CSMD1: variants seen among roughly 807,000 people sequenced by gnomAD.
The protein encoded by CSMD1 is CUB and Sushi multiple domains 1.
Under a neutral mutation model 417.5 loss-of-function variants are expected in CSMD1, and 213 were observed. The observed-to-expected ratio is 0.51, with a 90% confidence interval of 0.46 to 0.57. The LOEUF (loss-of-function observed/expected upper bound fraction) is 0.57. Among genes scored for constraint, CSMD1 ranks in the 20% least tolerant of loss-of-function variants. The pLI is 0.00. For missense variants in CSMD1, 6,923 were observed against 4,529.7 expected, an observed-to-expected ratio of 1.53 and a Z score of -15.17; for synonymous variants, 2,862 against 1,736.8, an observed-to-expected ratio of 1.65 and a Z score of -16.11.
intron 2 of CSMD1, among the ~76,000 whole-genome samples, chr8:4,569,693 T>A (rs554877940): frequency 1.8e-4 from 27 of 152,324 alleles, no homozygotes; most frequent in Admixed American, 7.2e-4. Context: ...AATGGTAGCT[T>A]GATGGGAATA....
intron 10 of CSMD1, among the ~76,000 whole-genome samples, chr8:3,523,810 C>A (rs948889220): frequency 8.6e-5 from 13 of 150,836 alleles, no homozygotes; most frequent in Admixed American, 2.7e-4. Flanking sequence ...TGTGCACATA[C>A]ACACACGCAC....
At chr8:3,757,353 G>A (rs1307088211) in intron 5 of CSMD1, among the ~76,000 whole-genome samples, 1 of 152,228 alleles carries the variant, frequency 6.6e-6, no homozygotes, top group African/African-American at 2.4e-5. Flanking sequence ...TAGTTGGCAA[G>A]TAGCCATAAA....
chr8:3,844,642 G>T (rs1300568857), intron 5 of CSMD1, among the ~76,000 whole-genome samples: 1 of 152,098 alleles, frequency 6.6e-6, no homozygotes, highest in African/African-American at 2.4e-5. Context: ...AGAACGGTGG[G>T]TATGCAGCTG....
At chr8:4,464,744 G>T (rs1179115614) in intron 2 of CSMD1, among the ~76,000 whole-genome samples, 1 of 152,130 alleles carries the variant, frequency 6.6e-6, no homozygotes. Flanking sequence ...ATCAGCATCC[G>T]TTGCTTTAAG....
At chr8:4,714,800 T>C (rs1283958281) in intron 1 of CSMD1, among the ~76,000 whole-genome samples, 1 of 152,196 alleles carries the variant, frequency 6.6e-6, no homozygotes, top group African/African-American at 2.4e-5. Flanking sequence ...GGGATTAAAA[T>C]AGACTCAACA....
chr8:3,954,772 T>G (rs926074191), intron 5 of CSMD1, among the ~76,000 whole-genome samples: 1 of 151,622 alleles, frequency 6.6e-6, no homozygotes, highest in Non-Finnish European at 1.5e-5. Context: ...ATGCGTAATG[T>G]GGCAGGGAGT....
At chr8:4,523,014 T>C (rs1409890752) in intron 2 of CSMD1, among the ~76,000 whole-genome samples, 2 of 152,158 alleles carry the variant, frequency 1.3e-5, no homozygotes, top group African/African-American at 4.8e-5. Context: ...GTAGGGCTTG[T>C]GTTAATGACA....
At chr8:4,217,210 C>T (rs1318873167) in intron 3 of CSMD1, among the ~76,000 whole-genome samples, 1 of 152,278 alleles carries the variant, frequency 6.6e-6, no homozygotes, top group Non-Finnish European at 1.5e-5. Flanking sequence ...TAGCTAGCAA[C>T]AATTACTCTT....
intron 5 of CSMD1, among the ~76,000 whole-genome samples, chr8:3,924,796 T>A (rs1365637447): frequency 6.6e-6 from 1 of 152,188 alleles, no homozygotes; most frequent in Non-Finnish European, 1.5e-5. Flanking sequence ...CTATTCGTGT[T>A]ATCCTGTAAG....
At chr8:3,984,087 T>G (rs1171326184) in intron 5 of CSMD1, among the ~76,000 whole-genome samples, 5 of 144,626 alleles carry the variant, frequency 3.5e-5, no homozygotes, top group Non-Finnish European at 7.7e-5. Flanking sequence ...ACCACAGATC[T>G]AACAGGGCTG....
At chr8:3,975,903 G>T (rs1453215487) in intron 5 of CSMD1, among the ~76,000 whole-genome samples, 5 of 152,070 alleles carry the variant, frequency 3.3e-5, no homozygotes, top group Admixed American at 6.6e-5. Flanking sequence ...GCAAATGAGT[G>T]AATGTATTAG....
chr8:4,209,653 T>G (rs1019241140), intron 3 of CSMD1, among the ~76,000 whole-genome samples: 1 of 152,152 alleles, frequency 6.6e-6, no homozygotes, highest in African/African-American at 2.4e-5. Context: ...GGGAGGGTTG[T>G]TGGCTTCACC....
Position 4,177,118 on chromosome 8 carries a change from A to G in CSMD1, c.416-145019T>C, listed in dbSNP as rs561446129. Reference sequence around the variant, plus strand: ...ACAGAACTCTCCACCCCAAATCAACAGAATATACATGTTTTTCAGCACCAC... The same window carrying G: ...ACAGAACTCTCCACCCCAAATCAACGGAATATACATGTTTTTCAGCACCAC... On this transcript the variant is annotated intron_variant, in intron 3 of 69. Transcript: ENST00000635120. Among the ~76,000 whole-genome samples the G allele has an allele frequency of 1.2e-4, 19 of 152,328 alleles. No individual in the cohort carries two copies. The East Asian group carries it at 2.5e-3, about 20-fold the overall frequency.
intron 7 of CSMD1, among the ~76,000 whole-genome samples, chr8:3,681,876 A>G (rs1799681692): frequency 1.3e-5 from 2 of 152,168 alleles, no homozygotes; most frequent in Admixed American, 1.3e-4. Flanking sequence ...GAGCCCTCAG[A>G]AATAATACCA....
At chr8:3,750,170 G>A (rs183220076) in intron 6 of CSMD1, among the ~76,000 whole-genome samples, 31 of 152,156 alleles carry the variant, frequency 2.0e-4, no homozygotes, top group African/African-American at 7.0e-4. Context: ...ATCTGCAATC[G>A]TATCAATCCA....
At chr8:4,049,447 G>C (rs17068768) in intron 3 of CSMD1, among the ~76,000 whole-genome samples, 2 of 151,322 alleles carry the variant, frequency 1.3e-5, no homozygotes, top group Non-Finnish European at 2.9e-5. Flanking sequence ...CTGCCTACGA[G>C]ATGTCACCCA....
chr8:4,405,000 A>C (rs1387450428), intron 3 of CSMD1, among the ~76,000 whole-genome samples: 2 of 152,244 alleles, frequency 1.3e-5, no homozygotes, highest in Non-Finnish European at 2.9e-5. Context: ...TCTCAAGGCT[A>C]AAAGCTAAGT....
At chr8:3,269,639 G>T (rs1329097808) in intron 26 of CSMD1, among the ~76,000 whole-genome samples, 1 of 152,178 alleles carries the variant, frequency 6.6e-6, no homozygotes, top group African/African-American at 2.4e-5. Context: ...CCCTGGGACT[G>T]GGGGAGCTGA....
intron 55 of CSMD1, among the ~76,000 whole-genome samples, chr8:2,976,644 T>G (rs780040056): frequency 6.6e-6 from 1 of 152,234 alleles, no homozygotes; most frequent in Non-Finnish European, 1.5e-5. Context: ...TCACGGCACC[T>G]GGCCTCCACT....
Sources: gnomAD v4.1 joint callset for allele counts (sites outside exome capture counted in the v4.1 genomes callset) on GRCh38, gnomAD v4.1.1 for gene constraint, MANE v1.5 for transcripts, NCBI Gene and HGNC (gene_info 2026-07-23, HGNC 2026-07-21) for gene names.